Variants in NTRK2 observed in about 807,000 individuals in gnomAD.
The protein encoded by NTRK2 is BDNF/NT-3 growth factors receptor.
A neutral mutation model predicts 94.5 loss-of-function variants in NTRK2; 13 were observed. The ratio of observed to expected loss-of-function variants is 0.14; its 90% CI spans 0.09 to 0.22. The LOEUF (loss-of-function observed/expected upper bound fraction) is 0.22. Ranked by LOEUF, NTRK2 falls within the 10% of genes least tolerant of loss-of-function variation. The pLI, the probability that NTRK2 is intolerant of heterozygous loss-of-function variation, is 1.00. For missense variants in NTRK2, 639 were observed against 1,071.2 expected, an observed-to-expected ratio of 0.60 and a Z score of 5.63; for synonymous variants, 372 against 407.4, an observed-to-expected ratio of 0.91 and a Z score of 1.05.
chr9:84,714,610 A>G (rs1294666164), intron 6 of NTRK2, among the ~76,000 whole-genome samples: 1 of 152,202 alleles, frequency 6.6e-6, no homozygotes, highest in African/African-American at 2.4e-5. Flanking sequence ...TAGACAGAAA[A>G]TGACACTAGA....
At chr9:84,903,674 A>G (rs1265165184) in intron 14 of NTRK2, among the ~76,000 whole-genome samples, 2 of 149,616 alleles carry the variant, frequency 1.3e-5, no homozygotes, top group African/African-American at 4.9e-5. Context: ...TTCTTTTCTC[A>G]TTTCTTCCTT....
At chr9:84,756,932 G>C (rs1002571078) in intron 12 of NTRK2, among the ~76,000 whole-genome samples, 14 of 152,150 alleles carry the variant, frequency 9.2e-5, no homozygotes, top group African/African-American at 3.4e-4. Flanking sequence ...CCAAAAATCT[G>C]CCTATTTAAA....
rs2132021630 is a variant in NTRK2 at position 84,723,556 on chromosome 9, C to T, written c.584-17C>T. Reference sequence around the variant, plus strand: ...AACTATTTGCATATGCCTCTGTTTACTTTTCTTGTTCCATAGGTTTGCCAT... The same window carrying T: ...AACTATTTGCATATGCCTCTGTTTATTTTTCTTGTTCCATAGGTTTGCCAT... On this transcript the variant is annotated splice_polypyrimidine_tract_variant and intron_variant, in intron 6 of 18. Transcript: ENST00000277120. 1 of 1,613,916 alleles carries T rather than the reference C, an allele frequency of 6.2e-7. No individual in the cohort carries two copies. Among genetic ancestry groups the T allele is most frequent in the East Asian group, 2.2e-5 (1 of 44,866 alleles).
At chr9:84,902,224 A>T (rs1429466719) in intron 14 of NTRK2, among the ~76,000 whole-genome samples, 1 of 152,030 alleles carries the variant, frequency 6.6e-6, no homozygotes, top group Non-Finnish European at 1.5e-5. Context: ...ATTAAAAAAA[A>T]AAAAGACTGC....
At chr9:84,812,560 G>T in intron 12 of NTRK2, 1 of 1,046,332 alleles carries the variant, frequency 9.6e-7, no homozygotes, top group South Asian at 4.6e-5. Flanking sequence ...TTACAAAGAG[G>T]CCAGCTAATA....
rs75987530 is a variant in NTRK2, at chr9:84,920,510, G to T, written c.1634-13652G>T. On this transcript the variant is annotated intron_variant, in intron 14 of 18. Transcript: ENST00000277120. The stretch of plus-strand genomic sequence containing the variant: ...GCTTAAGCTCTTTCCCACTCCTTCC[G>T]TCTGTTGCACCTGCTGGCCCCAAGC... 5.3e-4 allele frequency among the ~76,000 whole-genome samples: 81 copies of T among 152,142 alleles called. 1 individual carries two copies. The East Asian group carries it at 8.5e-3, about 16-fold the overall frequency.
At chr9:84,790,949 T>A (rs993850282) in intron 12 of NTRK2, among the ~76,000 whole-genome samples, 3 of 152,266 alleles carry the variant, frequency 2.0e-5, no homozygotes, top group African/African-American at 7.2e-5. Context: ...GCTAGCTGTT[T>A]GCCTTCAAAT....
chr9:84,912,818 T>G (rs919134765), intron 14 of NTRK2, among the ~76,000 whole-genome samples: 3 of 151,656 alleles, frequency 2.0e-5, no homozygotes, highest in African/African-American at 4.8e-5. Flanking sequence ...GGGTTTCACC[T>G]TGTTAGCCAG....
In NTRK2 at chr9:84,871,634, A is replaced by G. The variant is rs77619076; in HGVS notation, c.1633+4203A>G. Among the ~76,000 whole-genome samples the G allele has an allele frequency of 4.6e-3, 707 of 152,340 alleles. 13 individuals carry two copies. Among genetic ancestry groups the G allele is most frequent in the Admixed American group, 0.038 (574 of 15,298 alleles). ...TCATTTAAGTGAAAGATGGTGATCA[A>G]TTATATCCCTTGAAGTATGTTTTCA... On this transcript the variant is annotated intron_variant, in intron 14 of 18. Transcript: ENST00000277120.
chr9:85,008,643 G>C (rs577474153), intron 17 of NTRK2, among the ~76,000 whole-genome samples: 5 of 152,148 alleles, frequency 3.3e-5, no homozygotes, highest in Non-Finnish European at 7.3e-5. Flanking sequence ...TGGGCTTAAA[G>C]GGAGGTGATG....
chr9:84,906,297 C>T (rs1301706713), intron 14 of NTRK2, among the ~76,000 whole-genome samples: 2 of 152,068 alleles, frequency 1.3e-5, no homozygotes, highest in Non-Finnish European at 2.9e-5. Context: ...ACTAGTGTCA[C>T]TGAAGTGGAA....
chr9:85,026,269 T>C lies in NTRK2; in HGVS notation c.*4832T>C. On this transcript the variant is annotated 3_prime_UTR_variant, in exon 19 of 19. Transcript: ENST00000277120. ...GACGAAATGAGAAAAGATGGGGATG[T>C]CATTTTTTAGTCTATGCGTTTGAGG... is the stretch of plus-strand genomic sequence containing the variant. 4.3e-6 allele frequency: 1 copy of C among 231,568 alleles called. No individual in the cohort carries two copies. The highest frequency in any genetic ancestry group is 8.5e-6 in the Non-Finnish European group (1 of 117,032). 14.3% of individuals were successfully genotyped at this position (231,568 alleles called of 1,614,324 possible). A position where few individuals can be genotyped will look rare whatever the true frequency, so the allele number is the denominator to read the frequency against.
intron 12 of NTRK2, among the ~76,000 whole-genome samples, chr9:84,808,478 T>A (rs569912994): frequency 2.4e-4 from 37 of 152,370 alleles, no homozygotes; most frequent in African/African-American, 8.4e-4. Flanking sequence ...ATTGACAAAG[T>A]TGACATCCTT....
rs200114699 is a variant in NTRK2 at position 84,955,302 on chromosome 9, G to A, written c.1957G>A (p.Val653Met). Residue 653 changes from valine to methionine, a missense_variant, in exon 17 of 19, where the codon GTG becomes ATG. Physicochemically the swap from Val to Met is conservative, Grantham distance 21. Transcript: ENST00000277120. ...KFLRAHGPDA[V>M]LMAEGNPPTE... ...CCCCAGGGCACACGGCCCTGATGCC[G>A]TGCTGATGGCTGAGGGCAACCCGCC... 2.5e-5 allele frequency: 40 copies of A among 1,606,236 alleles called. No homozygotes were observed. The highest frequency in any genetic ancestry group is 6.7e-5 in the South Asian group (6 of 89,838).
intron 12 of NTRK2, among the ~76,000 whole-genome samples, chr9:84,829,945 C>A (rs1036428413): frequency 6.6e-6 from 1 of 152,160 alleles, no homozygotes; most frequent in African/African-American, 2.4e-5. Flanking sequence ...ACTAGTAATT[C>A]TTGGGAATAA....
At chr9:84,744,735 A>C (rs1012664335) in intron 10 of NTRK2, among the ~76,000 whole-genome samples, 4 of 152,114 alleles carry the variant, frequency 2.6e-5, no homozygotes, top group Non-Finnish European at 5.9e-5. Context: ...TTTGGGGCTG[A>C]CCAACAAGAC....
chr9:84,909,620 C>A (rs1021508304), intron 14 of NTRK2, among the ~76,000 whole-genome samples: 11 of 151,920 alleles, frequency 7.2e-5, no homozygotes, highest in African/African-American at 2.7e-4. Context: ...TTTGTTTTAG[C>A]CATTCTGATA....
At chr9:84,684,060 ATTTG>A (rs1344079992) in intron 2 of NTRK2, among the ~76,000 whole-genome samples, 2 of 151,804 alleles carry the variant, frequency 1.3e-5, no homozygotes, top group Non-Finnish European at 2.9e-5. Context: ...TTTCTTGTAA[ATTTG>A]TTTAAGTTCC....
At chr9:84,668,576 C>A (rs1413542123), upstream of NTRK2, 1 of 152,298 alleles carries the variant, frequency 6.6e-6, no homozygotes, top group Non-Finnish European at 1.5e-5. Context: ...ACAAGGCTTG[C>A]AAATGCCCCG....
Sources: gnomAD v4.1 joint callset for allele counts (sites outside exome capture counted in the v4.1 genomes callset) on GRCh38, gnomAD v4.1.1 for gene constraint, MANE v1.5 for transcripts, NCBI Gene and HGNC (gene_info 2026-07-23, HGNC 2026-07-21) for gene names.